CNTNAP4: variants seen among roughly 807,000 people sequenced by gnomAD.
CNTNAP4 encodes the protein contactin-associated protein-like 4.
CNTNAP4 carries 98 observed loss-of-function variants against 148.4 expected under a neutral mutation model. That is an observed-to-expected ratio of 0.66 (90% CI 0.56 to 0.78). The LOEUF (loss-of-function observed/expected upper bound fraction) is 0.78. Among genes scored for constraint, CNTNAP4 ranks in the 30% least tolerant of loss-of-function variants. The pLI is 0.00. For synonymous variants in CNTNAP4, 730 were observed against 565.1 expected (o/e 1.29, Z -4.14); for missense variants, 1,935 against 1,565.6 (o/e 1.24, Z -3.98).
intron 2 of CNTNAP4, among the ~76,000 whole-genome samples, chr16:76,329,720 CT>C (rs1312584574): frequency 1.3e-5 from 2 of 151,966 alleles, no homozygotes; most frequent in Non-Finnish European, 2.9e-5. Flanking sequence ...TCTTTGATCT[CT>C]TTTTAAAAAG....
At chr16:76,451,900 CAAAGAAAAGAT>C (rs2080497220) in intron 7 of CNTNAP4, among the ~76,000 whole-genome samples, 2 of 151,982 alleles carry the variant, frequency 1.3e-5, no homozygotes, top group South Asian at 4.1e-4. Context: ...GTTCTCAACA[CAAAGAAAAGAT>C]AAATGTTTGA....
Position 76,457,801 on chromosome 16 carries a change from A to T in CNTNAP4, c.1334-4155A>T, listed in dbSNP as rs935376271. Among the ~76,000 whole-genome samples the T allele has an allele frequency of 2.1e-4, 32 of 151,130 alleles. 1 individual carries two copies. The highest frequency in any genetic ancestry group is 3.5e-4 in the Non-Finnish European group (24 of 67,796). On this transcript the variant is annotated intron_variant, in intron 8 of 23. Coordinates refer to ENST00000611870, the MANE Select transcript of CNTNAP4 (RefSeq NM_033401.5). ...TTATTTATTTGTTATTTTACTTTTT[A>T]TTTTTTTTTAATTTTAGATTTGGGG...
At chr16:76,538,361 A>G (rs1019355890) in intron 19 of CNTNAP4, 21 bp downstream of exon 19, 14 of 1,538,484 alleles carry the variant, frequency 9.1e-6, no homozygotes, top group Non-Finnish European at 1.3e-5. Flanking sequence ...TTTAGATGAG[A>G]GAGAGAAAAT....
At chr16:76,522,379 A>C in intron 17 of CNTNAP4, 122 bp downstream of exon 17, 1 of 821,574 alleles carries the variant, frequency 1.2e-6, no homozygotes, top group Non-Finnish European at 1.9e-6. Flanking sequence ...ACAAATCACC[A>C]TGGATTCACA....
chr16:76,477,936 A>G (rs67670822), intron 11 of CNTNAP4, among the ~76,000 whole-genome samples: 15,424 of 152,234 alleles, frequency 0.1, 919 homozygotes, highest in South Asian at 0.2. Context: ...TTGATACAAT[A>G]ATTGAGTTTC....
intron 10 of CNTNAP4, among the ~76,000 whole-genome samples, chr16:76,475,117 C>T (rs571634660): frequency 8.6e-5 from 13 of 151,860 alleles, no homozygotes; most frequent in African/African-American, 2.4e-4. Context: ...GCGGAGGTTG[C>T]AGTGAGCTGA....
chr16:76,493,733 A>C (rs1230990847), intron 13 of CNTNAP4, among the ~76,000 whole-genome samples: 1 of 152,216 alleles, frequency 6.6e-6, no homozygotes, highest in East Asian at 1.9e-4. Context: ...AAAAAAGACG[A>C]AGATTCTTCA....
intron 4 of CNTNAP4, among the ~76,000 whole-genome samples, chr16:76,433,237 C>G (rs1365526963): frequency 6.6e-6 from 1 of 152,120 alleles, no homozygotes; most frequent in Non-Finnish European, 1.5e-5. Context: ...AATGCTTTCT[C>G]CATCATTCTA....
intron 21 of CNTNAP4, among the ~76,000 whole-genome samples, chr16:76,550,707 G>T (rs2084921813): frequency 6.6e-6 from 1 of 151,586 alleles, no homozygotes; most frequent in Admixed American, 6.6e-5. Context: ...CAAGAATGCG[G>T]TCTTTTTCAT....
At chr16:76,444,786 A>G (rs891885938) in intron 4 of CNTNAP4, among the ~76,000 whole-genome samples, 2 of 152,108 alleles carry the variant, frequency 1.3e-5, no homozygotes, top group East Asian at 1.9e-4. Context: ...GTCTGTTTCT[A>G]TATATTAAAT....
intron 3 of CNTNAP4, among the ~76,000 whole-genome samples, chr16:76,391,660 TG>T (rs1217434963): frequency 2.6e-5 from 4 of 152,172 alleles, no homozygotes; most frequent in Non-Finnish European, 5.9e-5. Flanking sequence ...CCTCTGAGTG[TG>T]GGGTCCAGGA....
chr16:76,353,784 C>A (rs1346555), intron 2 of CNTNAP4, among the ~76,000 whole-genome samples: 19,671 of 152,158 alleles, frequency 0.13, 1,992 homozygotes, highest in East Asian at 0.47. Context: ...CAGAGTTCTG[C>A]CCTTCATCTA....
At chr16:76,404,400 G>A (rs921617830) in intron 3 of CNTNAP4, among the ~76,000 whole-genome samples, 5 of 151,112 alleles carry the variant, frequency 3.3e-5, no homozygotes, top group Non-Finnish European at 5.9e-5. Context: ...CTAGTTTGGT[G>A]ACCTCTTACA....
At chr16:76,493,405 A>G (rs901202911) in intron 13 of CNTNAP4, among the ~76,000 whole-genome samples, 3 of 152,206 alleles carry the variant, frequency 2.0e-5, no homozygotes, top group East Asian at 1.9e-4. Flanking sequence ...ATGTTCTACC[A>G]TATCCACGGG....
intron 15 of CNTNAP4, among the ~76,000 whole-genome samples, chr16:76,502,283 G>T (rs1227236237): frequency 6.6e-6 from 1 of 151,830 alleles, no homozygotes; most frequent in Non-Finnish European, 1.5e-5. Flanking sequence ...TATTTTCTCA[G>T]TTGGATGAGC....
At chr16:76,513,423 A>G (rs2083108669) in intron 15 of CNTNAP4, among the ~76,000 whole-genome samples, 1 of 152,302 alleles carries the variant, frequency 6.6e-6, no homozygotes, top group South Asian at 2.1e-4. Context: ...GCATCATATT[A>G]CAGCACGTGT....
rs1353967278 is a variant in CNTNAP4 at position 76,448,149 on chromosome 16, G to T, written c.676G>T (p.Gly226Trp). ...QSDGILLHRE[G>W]PNGDHITLQL... is the part of the protein sequence containing the mutation. ...TGATGGGATTCTACTCCACAGGGAAGGGCCAAATGGAGATCACATCACACT... is the reference window on the plus strand; with the variant it reads ...TGATGGGATTCTACTCCACAGGGAATGGCCAAATGGAGATCACATCACACT... The change falls in exon 5 of 24, where the codon GGG becomes TGG. Residue 226 changes from glycine to tryptophan, a missense_variant. By Grantham distance (184) the Gly-to-Trp change is radical (BLOSUM62 -2). Transcript: ENST00000611870. 2 of 1,613,564 alleles carry T rather than the reference G, an allele frequency of 1.2e-6. No homozygotes were observed.
chr16:76,536,191 C>CT (rs554771955), intron 18 of CNTNAP4, among the ~76,000 whole-genome samples: 53 of 149,086 alleles, frequency 3.6e-4, no homozygotes, highest in African/African-American at 5.9e-4. Flanking sequence ...TAAAGCATTA[C>CT]TTTTTTTTTT....
intron 1 of CNTNAP4, among the ~76,000 whole-genome samples, chr16:76,314,173 G>T (rs1279091654): frequency 6.6e-6 from 1 of 152,170 alleles, no homozygotes; most frequent in Non-Finnish European, 1.5e-5. Context: ...ATATGTAAAT[G>T]TATGTGCATG....
Sources: allele counts gnomAD v4.1 joint callset (sites outside exome capture counted in the v4.1 genomes callset), GRCh38; gene constraint gnomAD v4.1.1; transcripts MANE v1.5; gene names NCBI Gene and HGNC (gene_info 2026-07-23, HGNC 2026-07-21).